Variants in CDH19 observed in about 807,000 individuals in gnomAD.
The protein encoded by CDH19 is cadherin 19.
Under a neutral mutation model 64.2 loss-of-function variants are expected in CDH19, and 67 were observed. The observed-to-expected ratio is 1.04, with a 90% CI of 0.86 to 1.28. The LOEUF (loss-of-function observed/expected upper bound fraction) is 1.28, where lower values mean the gene tolerates loss of function less well. Ranked by LOEUF, CDH19 falls within the 50% of genes most tolerant of loss-of-function variation. CDH19 has a pLI of 0.00. For synonymous variants in CDH19, 346 were observed against 319.3 expected (o/e 1.08, Z -0.89); for missense variants, 1,030 against 929.0 (o/e 1.11, Z -1.41).
chr18:66,524,658 A>G (rs1986151267), intron 9 of CDH19, among the ~76,000 whole-genome samples: 2 of 151,034 alleles, frequency 1.3e-5, no homozygotes, highest in Admixed American at 6.6e-5. Flanking sequence ...ACTCTAGGGA[A>G]GTGGAAACAG....
chr18:66,539,612 G>A (rs770302729), intron 7 of CDH19, among the ~76,000 whole-genome samples: 1 of 151,596 alleles, frequency 6.6e-6, no homozygotes, highest in Non-Finnish European at 1.5e-5. Context: ...TGCATTCCTG[G>A]GTGCACTCCA....
chr18:66,529,988 T>TA (rs1568180844), intron 8 of CDH19, 22 bp from the exon 9 acceptor site: 2 of 1,249,056 alleles, frequency 1.6e-6, no homozygotes, highest in African/African-American at 1.6e-5. Flanking sequence ...ATATATATAA[T>TA]AAAAATCTAA....
At chr18:66,590,514 T>C (rs2144625836) in intron 1 of CDH19, among the ~76,000 whole-genome samples, 1 of 127,902 alleles carries the variant, frequency 7.8e-6, no homozygotes, top group South Asian at 2.6e-4. Context: ...TTTTCTGGAA[T>C]ACGTATATCT....
chr18:66,598,029 C>T (rs138737385), intron 1 of CDH19, among the ~76,000 whole-genome samples: 283 of 152,094 alleles, frequency 1.9e-3, no homozygotes, highest in Non-Finnish European at 3.0e-3. Context: ...TACCCTAGAA[C>T]TTACAGTATA....
At chr18:66,564,567 C>T (rs1987836889) in intron 3 of CDH19, among the ~76,000 whole-genome samples, 1 of 151,768 alleles carries the variant, frequency 6.6e-6, no homozygotes, top group African/African-American at 2.4e-5. Flanking sequence ...ATTCTCCTTG[C>T]TTTTATTAGG....
intron 3 of CDH19, among the ~76,000 whole-genome samples, chr18:66,561,177 G>A (rs1334814044): frequency 6.6e-6 from 1 of 152,042 alleles, no homozygotes; most frequent in Non-Finnish European, 1.5e-5. Flanking sequence ...CATGGAAGAA[G>A]CTACAAGTAC....
intron 1 of CDH19, among the ~76,000 whole-genome samples, chr18:66,591,546 A>G (rs531049197): frequency 6.6e-6 from 1 of 152,060 alleles, no homozygotes; most frequent in South Asian, 2.1e-4. Flanking sequence ...TTGGCAGTAG[A>G]CAACAGTACA....
rs201247356 is a variant in CDH19, at chr18:66,527,047, A to G, written c.1458+2798T>C. 4.5e-3 allele frequency among the ~76,000 whole-genome samples: 651 copies of G among 144,990 alleles called. 3 individuals carry two copies. The highest frequency in any genetic ancestry group is 0.015 in the African/African-American group (545 of 37,502). ...AATATATAAATATGTATATATATATATGTGTGTGTGTGTGTGTGTGTGTAT... is the reference window on the plus strand; with the variant it reads ...AATATATAAATATGTATATATATATGTGTGTGTGTGTGTGTGTGTGTGTAT... On this transcript the variant is annotated intron_variant, in intron 9 of 11. Coordinates refer to ENST00000262150, the MANE Select transcript of CDH19 (RefSeq NM_021153.4).
At chr18:66,517,739 T>C (rs2144368965) in intron 9 of CDH19, among the ~76,000 whole-genome samples, 1 of 152,182 alleles carries the variant, frequency 6.6e-6, no homozygotes, top group South Asian at 2.1e-4. Flanking sequence ...AAAAGAATCA[T>C]CTTCATAAAT....
intron 3 of CDH19, among the ~76,000 whole-genome samples, chr18:66,563,438 C>A (rs1987794562): frequency 6.6e-6 from 1 of 151,906 alleles, no homozygotes; most frequent in Admixed American, 6.6e-5. Context: ...TAATCTGAAA[C>A]AAATTTATTG....
At chr18:66,589,387 T>C (rs185578211) in intron 1 of CDH19, among the ~76,000 whole-genome samples, 164 of 151,950 alleles carry the variant, frequency 1.1e-3, no homozygotes, top group Admixed American at 1.8e-3. Context: ...TCTTATGCTT[T>C]CATTAAGAAG....
At chr18:66,568,238 G>A (rs1256511012) in intron 3 of CDH19, among the ~76,000 whole-genome samples, 178 bp downstream of exon 3, 2 of 151,652 alleles carry the variant, frequency 1.3e-5, no homozygotes, top group Non-Finnish European at 2.9e-5. Flanking sequence ...TTAATATGTA[G>A]TACCCTTTTC....
chr18:66,574,613 C>G (rs1482421645), intron 1 of CDH19, among the ~76,000 whole-genome samples: 2 of 151,524 alleles, frequency 1.3e-5, no homozygotes, highest in Admixed American at 1.3e-4. Flanking sequence ...GAGACAATTT[C>G]AAACATTCTC....
intron 3 of CDH19, among the ~76,000 whole-genome samples, chr18:66,567,268 A>G (rs1272602323): frequency 6.6e-6 from 1 of 151,714 alleles, no homozygotes; most frequent in Non-Finnish European, 1.5e-5. Context: ...GTGGCAGAGG[A>G]AGAAAAGCAA....
chr18:66,577,751 T>C (rs1988308416), intron 1 of CDH19, among the ~76,000 whole-genome samples: 2 of 151,974 alleles, frequency 1.3e-5, no homozygotes, highest in Admixed American at 1.3e-4. Context: ...GATACACATT[T>C]ATTGTCTTAC....
At chr18:66,525,216 C>T (rs1407449626) in intron 9 of CDH19, among the ~76,000 whole-genome samples, 1 of 151,990 alleles carries the variant, frequency 6.6e-6, no homozygotes, top group African/African-American at 2.4e-5. Context: ...TTATGGTGAA[C>T]CTAATCAAAT....
chr18:66,530,365 T>C (rs980330490), intron 8 of CDH19, among the ~76,000 whole-genome samples: 1 of 152,052 alleles, frequency 6.6e-6, no homozygotes, highest in African/African-American at 2.4e-5. Flanking sequence ...GGATAAAAAA[T>C]TGATAAACCA....
intron 1 of CDH19, among the ~76,000 whole-genome samples, chr18:66,599,446 A>G (rs1988986931): frequency 6.6e-6 from 1 of 152,066 alleles, no homozygotes; most frequent in Non-Finnish European, 1.5e-5. Flanking sequence ...CTCAGACAGG[A>G]GGAGTATGTT....
Position 66,599,741 on chromosome 18 carries a change from G to T in CDH19, c.-113+4213C>A, listed in dbSNP as rs984265850. Among the ~76,000 whole-genome samples the T allele has an allele frequency of 4.6e-5, 7 of 151,840 alleles. No homozygotes were observed. The South Asian group carries it at 1.0e-3, about 23-fold the overall frequency. On this transcript the variant is annotated intron_variant, in intron 1 of 11. Coordinates refer to ENST00000262150, the MANE Select transcript of CDH19 (RefSeq NM_021153.4). ...CATCCTATAAACAGATTAATAAATTGTTTTAACATTAATGGCATGAATATA... is the reference window on the plus strand; with the variant it reads ...CATCCTATAAACAGATTAATAAATTTTTTTAACATTAATGGCATGAATATA...
Sources: allele counts gnomAD v4.1 joint callset (sites outside exome capture counted in the v4.1 genomes callset), GRCh38; gene constraint gnomAD v4.1.1; transcripts MANE v1.5; gene names NCBI Gene and HGNC (gene_info 2026-07-23, HGNC 2026-07-21).